L3MBTL4: variants seen among roughly 807,000 people sequenced by gnomAD.
L3MBTL4 encodes the protein lethal(3)malignant brain tumor-like protein 4.
A neutral mutation model predicts 84.5 loss-of-function variants in L3MBTL4; 70 were observed. The observed-to-expected ratio is 0.83, with a 90% CI of 0.68 to 1.01. The LOEUF (loss-of-function observed/expected upper bound fraction) is 1.01, where lower values mean the gene tolerates loss of function less well. Ranked by LOEUF, L3MBTL4 falls within the 50% of genes least tolerant of loss-of-function variation. L3MBTL4 has a pLI of 0.00. For missense variants in L3MBTL4, 715 were observed against 754.8 expected (o/e 0.95, Z 0.62); for synonymous variants, 274 against 259.8 (o/e 1.05, Z -0.52).
intron 14 of L3MBTL4, among the ~76,000 whole-genome samples, chr18:6,136,121 T>C (rs1189063486): frequency 2.0e-5 from 3 of 152,196 alleles, no homozygotes; most frequent in Non-Finnish European, 4.4e-5. Flanking sequence ...ATCACAAGAA[T>C]AGCACGGGAA....
In L3MBTL4 at chr18:6,314,027, G is replaced by A. The variant is rs1055431984; in HGVS notation, c.-90-1971C>T. 1.6e-4 allele frequency among the ~76,000 whole-genome samples: 23 copies of A among 147,694 alleles called. 1 individual carries two copies. The highest frequency in any genetic ancestry group is 1.1e-3 in the South Asian group (5 of 4,516). ...ATAGGAGATGAATGTTATACAGATG[G>A]ATGGCAGATGATAGATAGATAGATA... On this transcript the variant is annotated intron_variant, in intron 1 of 18. Coordinates refer to ENST00000317931, the MANE Select transcript of L3MBTL4 (RefSeq NM_001330559.2).
chr18:6,060,660 C>G (rs1370603695), intron 16 of L3MBTL4, among the ~76,000 whole-genome samples: 1 of 152,052 alleles, frequency 6.6e-6, no homozygotes, highest in Non-Finnish European at 1.5e-5. Context: ...CTGACAAATG[C>G]ATAATGACAT....
intron 14 of L3MBTL4, among the ~76,000 whole-genome samples, chr18:6,131,300 C>T (rs1696618923): frequency 6.6e-6 from 1 of 152,196 alleles, no homozygotes; most frequent in African/African-American, 2.4e-5. Flanking sequence ...ACTACATTTT[C>T]ACGCTTTCCC....
chr18:6,096,446 T>C (rs2040190), intron 14 of L3MBTL4, among the ~76,000 whole-genome samples: 62,763 of 152,102 alleles, frequency 0.41, 18,609 homozygotes, highest in African/African-American at 0.85. Flanking sequence ...TTTTGAACCT[T>C]AGAATCTGGG....
At chr18:6,273,732 A>T (rs1169650765) in intron 4 of L3MBTL4, among the ~76,000 whole-genome samples, 1 of 152,250 alleles carries the variant, frequency 6.6e-6, no homozygotes, top group Non-Finnish European at 1.5e-5. Context: ...AGGAAGTCAG[A>T]AGACAACCAA....
chr18:6,243,254 A>G, intron 7 of L3MBTL4, 40 bp downstream of exon 7: 1 of 1,450,088 alleles, frequency 6.9e-7, no homozygotes, highest in Non-Finnish European at 9.1e-7. Flanking sequence ...TGAAATACCA[A>G]TTGATTCTCT....
intron 14 of L3MBTL4, among the ~76,000 whole-genome samples, chr18:6,106,355 G>A (rs1395684327): frequency 6.6e-6 from 1 of 152,198 alleles, no homozygotes; most frequent in Non-Finnish European, 1.5e-5. Context: ...CCTTGGTATT[G>A]GTGGTTGTAT....
chr18:6,113,394 C>T (rs886423415), intron 14 of L3MBTL4, among the ~76,000 whole-genome samples: 19 of 139,444 alleles, frequency 1.4e-4, no homozygotes, highest in Non-Finnish European at 2.4e-4. Flanking sequence ...TTTGAAAATG[C>T]TACATTATAT....
At position 6,058,107 on chromosome 18, in the gene L3MBTL4, C is replaced by T. The variant is rs558481802; in HGVS notation, c.1444+22774G>A. Among the ~76,000 whole-genome samples, 7 of 152,212 alleles carry T rather than the reference C, an allele frequency of 4.6e-5. No homozygotes were observed. In the South Asian group the frequency reaches 1.2e-3, roughly 27 times the overall value. ...AACTGAAACAGATTGTCCAATGATA[C>T]GTGTGGGAATCAAGACATCAAATCC... On this transcript the variant is annotated intron_variant, in intron 16 of 18. Transcript: ENST00000317931.
intron 14 of L3MBTL4, among the ~76,000 whole-genome samples, chr18:6,124,233 A>G (rs1241080173): frequency 6.6e-6 from 1 of 152,160 alleles, no homozygotes; most frequent in Non-Finnish European, 1.5e-5. Context: ...AGAGGTTCCA[A>G]TGTCATTTAA....
intron 10 of L3MBTL4, among the ~76,000 whole-genome samples, chr18:6,228,277 T>A (rs762722892): frequency 5.9e-5 from 9 of 152,138 alleles, no homozygotes; most frequent in Non-Finnish European, 1.3e-4. Context: ...AAGATCTCAT[T>A]GTAAAACTCA....
In L3MBTL4 at chr18:6,295,340, C is replaced by CTATATATATA. The variant is rs1477775190; in HGVS notation, c.127+6562_127+6563insTATATATATA. Reference sequence around the variant, plus strand: ...TCTCTCTCTCTCTCTCTCTCTCTCTCTCTCTCTATATATATATATATATAT... The same window carrying CTATATATATA: ...TCTCTCTCTCTCTCTCTCTCTCTCTCTATATATATATCTCTCTATATATATATATATATAT... On this transcript the variant is annotated intron_variant, in intron 4 of 18. Coordinates refer to ENST00000317931, the MANE Select transcript of L3MBTL4 (RefSeq NM_001330559.2). Among the ~76,000 whole-genome samples the CTATATATATA allele has an allele frequency of 2.2e-4, 27 of 122,716 alleles. 1 individual carries two copies. The highest frequency in any genetic ancestry group is 1.7e-3 in the Admixed American group (21 of 12,128). The allele number at this position is 122,716 out of a possible 152,430, so 80.5% of individuals were successfully genotyped here.
intron 17 of L3MBTL4, 60 bp from the exon 18 acceptor site, chr18:5,960,216 C>T: frequency 1.0e-6 from 1 of 996,580 alleles, no homozygotes; most frequent in Non-Finnish European, 1.5e-6. Flanking sequence ...TTGGGGGTTG[C>T]AGTAATCCAA....
intron 13 of L3MBTL4, among the ~76,000 whole-genome samples, chr18:6,155,180 G>A (rs1395519251): frequency 1.3e-5 from 2 of 152,170 alleles, no homozygotes; most frequent in Non-Finnish European, 2.9e-5. Flanking sequence ...GGACTATGTG[G>A]TCAGCAGCTG....
chr18:6,132,407 G>A (rs1034484576), intron 14 of L3MBTL4, among the ~76,000 whole-genome samples: 1 of 151,954 alleles, frequency 6.6e-6, no homozygotes, highest in Non-Finnish European at 1.5e-5. Flanking sequence ...ACTTGAGTTC[G>A]CTCTCTAATA....
intron 12 of L3MBTL4, among the ~76,000 whole-genome samples, chr18:6,211,213 A>T (rs2046090592): frequency 6.6e-6 from 1 of 152,224 alleles, no homozygotes; most frequent in Non-Finnish European, 1.5e-5. Context: ...AATTATGAAA[A>T]TATTTGAAAA....
intron 4 of L3MBTL4, among the ~76,000 whole-genome samples, chr18:6,294,661 G>A (rs886162760): frequency 1.3e-5 from 2 of 152,110 alleles, no homozygotes; most frequent in Non-Finnish European, 2.9e-5. Flanking sequence ...CTTCCCAAAT[G>A]TCTCCACTAG....
intron 1 of L3MBTL4, among the ~76,000 whole-genome samples, chr18:6,383,176 G>A (rs979349645): frequency 4.6e-5 from 7 of 152,080 alleles, no homozygotes; most frequent in Non-Finnish European, 8.8e-5. Context: ...AAGCTCAAGT[G>A]TCTCAGGTCG....
chr18:6,353,128 A>G (rs1568541560), intron 1 of L3MBTL4, among the ~76,000 whole-genome samples: 1 of 152,194 alleles, frequency 6.6e-6, no homozygotes, highest in Non-Finnish European at 1.5e-5. Context: ...TTTTGTCTCT[A>G]TTAAATACAC....
Sources: allele counts gnomAD v4.1 joint callset (sites outside exome capture counted in the v4.1 genomes callset), GRCh38; gene constraint gnomAD v4.1.1; transcripts MANE v1.5; gene names NCBI Gene and HGNC (gene_info 2026-07-23, HGNC 2026-07-21).